MYT1L: variants seen among roughly 807,000 people sequenced by gnomAD.
MYT1L encodes the protein myelin transcription factor 1 like.
Under a neutral mutation model 126.7 loss-of-function variants are expected in MYT1L, and 12 were observed. The ratio of observed to expected loss-of-function variants is 0.09; its 90% CI spans 0.06 to 0.15. The LOEUF is 0.15. MYT1L is among the 10% of genes least tolerant of loss of function. The pLI is 1.00. For missense variants in MYT1L, 979 were observed against 1,585.2 expected (o/e 0.62, Z 6.49); for synonymous variants, 541 against 604.2 (o/e 0.90, Z 1.53).
At position 1,838,607 on chromosome 2, in the gene MYT1L, C is replaced by T. The variant is rs114590252; in HGVS notation, c.3080+542G>A. 2.0e-3 allele frequency among the ~76,000 whole-genome samples: 306 copies of T among 152,274 alleles called. 3 individuals are homozygous for T. Among genetic ancestry groups the T allele is most frequent in the African/African-American group, 7.1e-3 (293 of 41,542 alleles). ...AGGTCTTCACTCCCCGCAGAGGGAC[C>T]GACTGCACAATCTGACTGCACAGAA... On this transcript the variant is annotated intron_variant, in intron 21 of 24. Coordinates refer to ENST00000647738, the MANE Select transcript of MYT1L (RefSeq NM_001303052.2).
At chr2:1,874,398 G>A (rs925877358) in intron 18 of MYT1L, among the ~76,000 whole-genome samples, 1 of 152,248 alleles carries the variant, frequency 6.6e-6, no homozygotes, top group Admixed American at 6.5e-5. Context: ...TTTCACGTTG[G>A]TTAAGATTGT....
chr2:2,168,722 T>A (rs371268970), intron 3 of MYT1L, among the ~76,000 whole-genome samples: 1 of 152,152 alleles, frequency 6.6e-6, no homozygotes, highest in East Asian at 1.9e-4. Context: ...GCCCTGAGCG[T>A]GTTTTACTCC....
intron 2 of MYT1L, among the ~76,000 whole-genome samples, chr2:2,231,349 A>G (rs1273362566): frequency 6.6e-6 from 1 of 152,204 alleles, no homozygotes; most frequent in African/African-American, 2.4e-5. Context: ...CAGTCTGTCT[A>G]TTACTAATTA....
intron 8 of MYT1L, among the ~76,000 whole-genome samples, chr2:1,978,249 C>T (rs1398255043): frequency 1.3e-5 from 2 of 152,206 alleles, no homozygotes; most frequent in Non-Finnish European, 2.9e-5. Flanking sequence ...GCGGCAGATG[C>T]ACCCGCTTTA....
Position 1,975,856 on chromosome 2 carries a change from T to C in MYT1L, c.152+3309A>G, listed in dbSNP as rs188988030. 1.4e-4 allele frequency among the ~76,000 whole-genome samples: 21 copies of C among 152,278 alleles called. No individual in the cohort carries two copies. In the East Asian group the frequency reaches 3.5e-3, roughly 25 times the overall value. Reference sequence around the variant, plus strand: ...TCCAGCATGAGTGACAGAGTGAGACTCTGTCTCAAAACAAAACTAAACTAA... The same window carrying C: ...TCCAGCATGAGTGACAGAGTGAGACCCTGTCTCAAAACAAAACTAAACTAA... On this transcript the variant is annotated intron_variant, in intron 8 of 24. Coordinates refer to ENST00000647738, the MANE Select transcript of MYT1L (RefSeq NM_001303052.2).
chr2:1,897,094 A>T (rs1025655613), intron 14 of MYT1L, among the ~76,000 whole-genome samples: 3 of 152,246 alleles, frequency 2.0e-5, no homozygotes, highest in Non-Finnish European at 2.9e-5. Flanking sequence ...CAACTAAGAC[A>T]GTATCTACTT....
chr2:2,205,233 G>A (rs928953377), intron 2 of MYT1L, among the ~76,000 whole-genome samples: 4 of 151,608 alleles, frequency 2.6e-5, no homozygotes, highest in Non-Finnish European at 5.9e-5. Flanking sequence ...AAACCTGCAC[G>A]TTGTGCACAT....
chr2:2,202,604 A>G (rs540430365), intron 2 of MYT1L, among the ~76,000 whole-genome samples: 178 of 152,352 alleles, frequency 1.2e-3, no homozygotes, highest in Middle Eastern at 3.4e-3. Flanking sequence ...GACCAATAAC[A>G]GGCTCTGAAA....
intron 3 of MYT1L, among the ~76,000 whole-genome samples, chr2:2,122,190 G>T (rs372299692): frequency 6.6e-6 from 1 of 152,166 alleles, no homozygotes; most frequent in Non-Finnish European, 1.5e-5. Flanking sequence ...TGTGGGCACC[G>T]GCTCCAGACT....
rs1165543657 is a variant in MYT1L at position 1,923,109 on chromosome 2, C to T, written c.660G>A (p.Arg220=). 1 of 1,614,034 alleles carries T rather than the reference C, an allele frequency of 6.2e-7. No homozygotes were observed. The highest frequency in any genetic ancestry group is 1.1e-5 in the South Asian group (1 of 91,084). ...TATTGCTGTTCATTTCTGACTCAGT[C>T]CTGGCCCGGTAGGCTGCATCCTCAG... The part of the protein sequence containing the change: ...KIAEDAAYRA[R]TESEMNSNTS... Residue 220 remains arginine, a synonymous_variant, in exon 10 of 25, where the codon AGG becomes AGA. Transcript: ENST00000647738.
intron 21 of MYT1L, among the ~76,000 whole-genome samples, chr2:1,822,641 G>A (rs992925842): frequency 2.6e-5 from 4 of 152,196 alleles, no homozygotes; most frequent in African/African-American, 7.2e-5. Context: ...GGGACAGGAT[G>A]GCTGTTGTGG....
At chr2:2,167,093 G>A (rs1171262570) in intron 3 of MYT1L, among the ~76,000 whole-genome samples, 1 of 152,132 alleles carries the variant, frequency 6.6e-6, no homozygotes, top group African/African-American at 2.4e-5. Context: ...GAATAATAAT[G>A]AGGGTAACCA....
rs563192862 is a variant in MYT1L at position 2,091,447 on chromosome 2, G to A, written c.-303-37324C>T. Among the ~76,000 whole-genome samples, 11 of 152,292 alleles carry A rather than the reference G, an allele frequency of 7.2e-5. No homozygotes were observed. The South Asian group carries it at 2.3e-3, about 32-fold the overall frequency. ...AAACCATGCTGTAAACAGATGTGCTGTCATCCAGGCTTTGTTGATCCATTT... is the reference window on the plus strand; with the variant it reads ...AAACCATGCTGTAAACAGATGTGCTATCATCCAGGCTTTGTTGATCCATTT... On this transcript the variant is annotated intron_variant, in intron 3 of 24. Coordinates refer to ENST00000647738, the MANE Select transcript of MYT1L (RefSeq NM_001303052.2).
At chr2:1,972,217 A>G (rs554150646) in intron 8 of MYT1L, among the ~76,000 whole-genome samples, 6 of 152,330 alleles carry the variant, frequency 3.9e-5, no homozygotes, top group Admixed American at 3.9e-4. Context: ...CCACACGTTA[A>G]TTAGAGCATT....
At chr2:1,796,035 GA>G (rs891401555) in intron 23 of MYT1L, among the ~76,000 whole-genome samples, 2 of 151,844 alleles carry the variant, frequency 1.3e-5, no homozygotes, top group Admixed American at 6.6e-5. Context: ...TTAGTGGTAA[GA>G]AAAAAAACAA....
chr2:1,802,857 C>T (rs2035086324), intron 22 of MYT1L, among the ~76,000 whole-genome samples: 1 of 152,210 alleles, frequency 6.6e-6, no homozygotes, highest in African/African-American at 2.4e-5. Flanking sequence ...TTTGAGATTG[C>T]TGTTCTCATT....
intron 1 of MYT1L, among the ~76,000 whole-genome samples, chr2:2,314,117 T>C (rs1036410514): frequency 2.0e-5 from 3 of 152,180 alleles, no homozygotes; most frequent in Non-Finnish European, 4.4e-5. Context: ...AATCATTCAA[T>C]AAGAAACAAA....
intron 3 of MYT1L, among the ~76,000 whole-genome samples, chr2:2,161,396 T>C (rs753512624): frequency 1.5e-4 from 23 of 152,226 alleles, no homozygotes; most frequent in South Asian, 2.1e-4. Flanking sequence ...CTAGCTAAAA[T>C]TACATGCTCA....
chr2:2,201,193 G>A (rs1213269260), intron 2 of MYT1L, among the ~76,000 whole-genome samples: 1 of 152,250 alleles, frequency 6.6e-6, no homozygotes, highest in East Asian at 1.9e-4. Flanking sequence ...GAACTAAGCA[G>A]TTATATCAGC....
Sources: allele counts gnomAD v4.1 joint callset (sites outside exome capture counted in the v4.1 genomes callset), GRCh38; gene constraint gnomAD v4.1.1; transcripts MANE v1.5; gene names NCBI Gene and HGNC (gene_info 2026-07-23, HGNC 2026-07-21).